The following NRG3 variants were observed in gnomAD, a reference collection of about 807,000 sequenced individuals.
NRG3 encodes the protein pro-neuregulin-3, membrane-bound isoform.
A neutral mutation model predicts 66.9 loss-of-function variants in NRG3; 31 were observed. The ratio of observed to expected loss-of-function variants is 0.46; its 90% CI spans 0.35 to 0.63. The LOEUF (loss-of-function observed/expected upper bound fraction) is 0.63, where lower values mean the gene tolerates loss of function less well. Among genes scored for constraint, NRG3 ranks in the 20% least tolerant of loss-of-function variants. The pLI is 0.00. For missense variants in NRG3, 910 were observed against 878.9 expected (o/e 1.04, Z -0.45); for synonymous variants, 393 against 359.4 (o/e 1.09, Z -1.06).
chr10:82,563,380 TAAGA>T (rs1385418708), intron 2 of NRG3, among the ~76,000 whole-genome samples: 1 of 152,106 alleles, frequency 6.6e-6, no homozygotes, highest in Non-Finnish European at 1.5e-5. Flanking sequence ...CATAATTAAT[TAAGA>T]ATGTTATTAA....
At chr10:82,393,798 G>C (rs1364245818) in intron 2 of NRG3, among the ~76,000 whole-genome samples, 2 of 152,118 alleles carry the variant, frequency 1.3e-5, no homozygotes, top group Non-Finnish European at 2.9e-5. Flanking sequence ...AAGAATAATG[G>C]AATGGTCATC....
chr10:82,381,714 C>T (rs975484220), intron 2 of NRG3, among the ~76,000 whole-genome samples: 10 of 152,126 alleles, frequency 6.6e-5, no homozygotes, highest in African/African-American at 2.4e-4. Flanking sequence ...CTTTATCACA[C>T]TAAATGAGAC....
At chr10:82,610,384 T>C (rs1361324784) in intron 2 of NRG3, among the ~76,000 whole-genome samples, 1 of 152,168 alleles carries the variant, frequency 6.6e-6, no homozygotes. Context: ...CTGCCTGTTA[T>C]CACATTTTAA....
At chr10:82,087,451 G>A (rs560338430) in intron 1 of NRG3, among the ~76,000 whole-genome samples, 28 of 152,038 alleles carry the variant, frequency 1.8e-4, no homozygotes, top group African/African-American at 5.1e-4. Flanking sequence ...AATACATGCC[G>A]TATACACTCC....
intron 4 of NRG3, among the ~76,000 whole-genome samples, chr10:82,878,963 G>A (rs531591637): frequency 6.6e-6 from 1 of 152,130 alleles, no homozygotes; most frequent in East Asian, 1.9e-4. Flanking sequence ...CTTTCCCTCA[G>A]CACTAGCTAT....
chr10:82,879,237 A>T (rs897156476), intron 4 of NRG3, among the ~76,000 whole-genome samples: 2 of 152,210 alleles, frequency 1.3e-5, no homozygotes, highest in African/African-American at 2.4e-5. Flanking sequence ...TAATTATAAA[A>T]GCTCAATGAA....
At chr10:82,470,697 A>G (rs1841167919) in intron 2 of NRG3, among the ~76,000 whole-genome samples, 2 of 152,190 alleles carry the variant, frequency 1.3e-5, no homozygotes, top group Admixed American at 6.5e-5. Flanking sequence ...TCCTCTGGCA[A>G]TGGTCACATT....
chr10:82,606,283 G>T (rs1011058004), intron 2 of NRG3, among the ~76,000 whole-genome samples: 2 of 152,046 alleles, frequency 1.3e-5, no homozygotes, highest in East Asian at 1.9e-4. Context: ...TTTGACTCAC[G>T]TGTTATTTAG....
chr10:82,938,731 C>A (rs1160956632), intron 4 of NRG3, among the ~76,000 whole-genome samples: 2 of 152,192 alleles, frequency 1.3e-5, no homozygotes, highest in South Asian at 2.1e-4. Context: ...GGGTTAGAAT[C>A]CCTACTCCAT....
intron 3 of NRG3, among the ~76,000 whole-genome samples, chr10:82,748,413 A>C (rs970931073): frequency 1.3e-5 from 2 of 151,458 alleles, no homozygotes; most frequent in East Asian, 1.9e-4. Context: ...ACACTGGAAT[A>C]AAAAATATGA....
intron 2 of NRG3, among the ~76,000 whole-genome samples, chr10:82,457,601 A>G (rs2082161374): frequency 6.6e-6 from 1 of 152,186 alleles, no homozygotes; most frequent in Non-Finnish European, 1.5e-5. Flanking sequence ...CTAGGAACAT[A>G]GGAGGAGCTG....
Position 82,268,647 on chromosome 10 carries a change from G to A in NRG3, c.824-90092G>A, listed in dbSNP as rs147293285. Among the ~76,000 whole-genome samples, 729 of 152,210 alleles carry A rather than the reference G, an allele frequency of 4.8e-3. 6 individuals are homozygous for A. Among genetic ancestry groups the A allele is most frequent in the African/African-American group, 0.017 (699 of 41,544 alleles). On this transcript the variant is annotated intron_variant, in intron 1 of 8. Transcript: ENST00000372141. Reference sequence around the variant, plus strand: ...TGGGCCAATGTAAAATTGTGTTGCTGTATTAAGACATGGACCTAATGATCC... The same window carrying A: ...TGGGCCAATGTAAAATTGTGTTGCTATATTAAGACATGGACCTAATGATCC...
At chr10:82,454,770 A>G (rs536638777) in intron 2 of NRG3, among the ~76,000 whole-genome samples, 10 of 152,304 alleles carry the variant, frequency 6.6e-5, no homozygotes, top group African/African-American at 2.4e-4. Context: ...AGCAAACAAA[A>G]AGTTAACAAT....
intron 1 of NRG3, among the ~76,000 whole-genome samples, chr10:81,974,471 A>T (rs762414648): frequency 2.0e-5 from 3 of 152,150 alleles, no homozygotes; most frequent in Non-Finnish European, 2.9e-5. Flanking sequence ...CAAAAAGCAG[A>T]GCAACAAAGA....
At chr10:82,185,478 G>A (rs2073746043) in intron 1 of NRG3, among the ~76,000 whole-genome samples, 1 of 152,120 alleles carries the variant, frequency 6.6e-6, no homozygotes, top group Non-Finnish European at 1.5e-5. Flanking sequence ...TCCCCAGAGG[G>A]TAGTAATGCT....
At position 82,951,585 on chromosome 10, in the gene NRG3, T is replaced by C; in HGVS notation, c.1157+14T>C. The C allele has an allele frequency of 6.2e-7, 1 of 1,603,248 alleles. No individual in the cohort carries two copies. Among genetic ancestry groups the C allele is most frequent in the Non-Finnish European group, 8.5e-7 (1 of 1,170,528 alleles). On this transcript the variant is annotated intron_variant, in intron 5 of 8. Transcript: ENST00000372141. ...CTTCAAAAGCAAGTAAGACTATTTC[T>C]CTCAAGTGTTTAAAGGTTACTTTTA...
chr10:82,053,430 A>C (rs12763735), intron 1 of NRG3, among the ~76,000 whole-genome samples: 36,594 of 152,100 alleles, frequency 0.24, 4,528 homozygotes, highest in Middle Eastern at 0.33. Context: ...CTGGAAGATA[A>C]GAGCAGAAAG....
At chr10:82,847,618 TA>T (rs2135803683) in intron 3 of NRG3, among the ~76,000 whole-genome samples, 1 of 152,330 alleles carries the variant, frequency 6.6e-6, no homozygotes, top group East Asian at 1.9e-4. Flanking sequence ...TTTCAGATGG[TA>T]ATTTTCAGAA....
chr10:82,313,131 T>A (rs1021852950), intron 1 of NRG3, among the ~76,000 whole-genome samples: 2 of 152,016 alleles, frequency 1.3e-5, no homozygotes, highest in Non-Finnish European at 2.9e-5. Flanking sequence ...TGAACCGAGG[T>A]TGCGCCACTG....
Sources: allele counts gnomAD v4.1 joint callset (sites outside exome capture counted in the v4.1 genomes callset), GRCh38; gene constraint gnomAD v4.1.1; transcripts MANE v1.5; gene names NCBI Gene and HGNC (gene_info 2026-07-23, HGNC 2026-07-21).